KCNJ10: variants seen among roughly 807,000 people sequenced by gnomAD.
The protein encoded by KCNJ10 is ATP-sensitive inward rectifier potassium channel 10.
KCNJ10 carries 9 observed loss-of-function variants against 22.2 expected under a neutral mutation model. That is an observed-to-expected ratio of 0.40 (90% CI 0.24 to 0.71). The LOEUF (loss-of-function observed/expected upper bound fraction) is 0.71. Among genes scored for constraint, KCNJ10 ranks in the 30% least tolerant of loss-of-function variants. The pLI, the probability that KCNJ10 is intolerant of heterozygous loss-of-function variation, is 0.35. For synonymous variants in KCNJ10, 184 were observed against 187.3 expected (o/e 0.98, Z 0.15); for missense variants, 337 against 482.7 (o/e 0.70, Z 2.83).
In KCNJ10 at chr1:160,049,695, A is replaced by ATATATATATATATATT. The variant is rs1648849511; in HGVS notation, c.1-7164_1-7163insAATATATATATATATA. 6.6e-5 allele frequency among the ~76,000 whole-genome samples: 8 copies of ATATATATATATATATT among 120,526 alleles called. No homozygotes were observed. In the South Asian group the frequency reaches 1.3e-3, roughly 20 times the overall value. 79.1% of individuals were successfully genotyped at this position (120,526 alleles called of 152,430 possible). A position where few individuals can be genotyped will look rare whatever the true frequency, so the allele number is the denominator to read the frequency against. On this transcript the variant is annotated intron_variant, in intron 1 of 1. Coordinates refer to ENST00000644903, the MANE Select transcript of KCNJ10 (RefSeq NM_002241.5). The stretch of plus-strand genomic sequence containing the variant: ...TTTATTTATATATATATATATATAT[A>ATATATATATATATATT]TATATATATATATATATATATATAT...
At chr1:160,049,675 T>TTA (rs57790887) in intron 1 of KCNJ10, among the ~76,000 whole-genome samples, 1,962 of 46,926 alleles carry the variant, frequency 0.042, 61 homozygotes, top group Non-Finnish European at 0.047. Flanking sequence ...TTTTATTTAT[T>TTA]TATATATATA....
rs1183701861 is a variant in KCNJ10, at chr1:160,039,069, C to A, written c.*2324G>T. 2 of 152,594 alleles carry A rather than the reference C, an allele frequency of 1.3e-5. No individual in the cohort carries two copies. Among genetic ancestry groups the A allele is most frequent in the African/African-American group, 4.8e-5 (2 of 41,414 alleles). 9.5% of individuals were successfully genotyped at this position (152,594 alleles called of 1,614,324 possible). On this transcript the variant is annotated 3_prime_UTR_variant, in exon 2 of 2. Coordinates refer to ENST00000644903, the MANE Select transcript of KCNJ10 (RefSeq NM_002241.5). ...CAGGTCAGAGGAGACAGACTATAGT[C>A]TAAAGAACCATTTAGAGTTAAGGTA...
At chr1:160,061,863 C>T (rs1649204148) in intron 1 of KCNJ10, among the ~76,000 whole-genome samples, 2 of 151,794 alleles carry the variant, frequency 1.3e-5, no homozygotes, top group Admixed American at 6.6e-5. Context: ...TGGGCACATC[C>T]GTTTGGGTGT....
At chr1:160,047,345 C>T (rs957942805) in intron 1 of KCNJ10, among the ~76,000 whole-genome samples, 2 of 152,164 alleles carry the variant, frequency 1.3e-5, no homozygotes, top group African/African-American at 4.8e-5. Flanking sequence ...CAACCTCCTC[C>T]CAGGGACAGC....
rs749370465 is a variant in KCNJ10 at position 160,041,598 on chromosome 1, G to A, written c.935C>T (p.Thr312Ile). The change falls in exon 2 of 2, where the codon ACA (threonine) becomes ATA (isoleucine). Residue 312 changes from threonine (T) to isoleucine (I), a missense_variant. Coordinates refer to ENST00000644903, the MANE Select transcript of KCNJ10 (RefSeq NM_002241.5). This position sits in a 1 kb window ranked among gnomAD's most constrained non-coding sequence, Gnocchi z 4.4. ...PEEILWGYEFTPAISLSASGK... is the reference protein window; with the variant it reads ...PEEILWGYEFIPAISLSASGK... ...ACTGGCTGACAGTGAGATGGCAGGT[G>A]TGAACTCGTAGCCCCAAAGGATCTC... The A allele has an allele frequency of 4.3e-5, 70 of 1,614,126 alleles. No individual in the cohort carries two copies. In the Admixed American group the frequency reaches 8.5e-4, roughly 20 times the overall value.
intron 1 of KCNJ10, among the ~76,000 whole-genome samples, chr1:160,061,697 G>C (rs1571274972): frequency 6.6e-6 from 1 of 150,590 alleles, no homozygotes; most frequent in African/African-American, 2.4e-5. Flanking sequence ...CAAGGGCATG[G>C]GGGGGAGGGA....
chr1:160,049,683 A>ATATATATATATATATATATATATT (rs1648843569), intron 1 of KCNJ10, among the ~76,000 whole-genome samples: 5 of 88,234 alleles, frequency 5.7e-5, no homozygotes, highest in African/African-American at 1.2e-4. Context: ...ATTTATATAT[A>ATATATATATATATATATATATATT]TATATATATA....
At chr1:160,054,137 C>T (rs562313756) in intron 1 of KCNJ10, among the ~76,000 whole-genome samples, 11 of 152,326 alleles carry the variant, frequency 7.2e-5, no homozygotes, top group African/African-American at 2.6e-4. Context: ...GTTCCTGTGA[C>T]AAGTGGGTGC....
chr1:160,054,750 C>T (rs1319833939), intron 1 of KCNJ10, among the ~76,000 whole-genome samples: 1 of 86,476 alleles, frequency 1.2e-5, no homozygotes, highest in East Asian at 3.8e-4. Flanking sequence ...AATCCATCCC[C>T]AACTTATCTC....
intron 1 of KCNJ10, among the ~76,000 whole-genome samples, chr1:160,049,311 G>T (rs751741533): frequency 1.2e-4 from 18 of 152,018 alleles, no homozygotes; most frequent in African/African-American, 4.3e-4. Context: ...CCTTATCTCC[G>T]ACCACTTTTC....
intron 1 of KCNJ10, chr1:160,062,610 T>C (rs1265488542): frequency 6.6e-6 from 1 of 151,872 alleles, no homozygotes; most frequent in Non-Finnish European, 1.5e-5. Context: ...ACTTTCCAAA[T>C]GGAAAAAGCC....
intron 1 of KCNJ10, among the ~76,000 whole-genome samples, chr1:160,043,597 T>C (rs1480831749): frequency 2.6e-5 from 4 of 152,208 alleles, no homozygotes; most frequent in Admixed American, 1.3e-4. Context: ...AACAACATGT[T>C]AAAACTTCCT....
intron 1 of KCNJ10, among the ~76,000 whole-genome samples, chr1:160,069,704 T>C (rs1226522239): frequency 6.6e-6 from 1 of 152,160 alleles, no homozygotes; most frequent in African/African-American, 2.4e-5. Flanking sequence ...TGCCTGGTTA[T>C]GTGTGGTTGT....
rs747184756 is a variant in KCNJ10 at position 160,041,870 on chromosome 1, G to T, written c.663C>A (p.His221Gln). The T allele has an allele frequency of 1.9e-6, 3 of 1,614,082 alleles. No homozygotes were observed. The highest frequency in any genetic ancestry group is 2.5e-6 in the Non-Finnish European group (3 of 1,180,042). ...CQVTGKLLQTHQTKEGENIRL... is the reference protein window; with the variant it reads ...CQVTGKLLQTQQTKEGENIRL... ...GGATGTTCTCCCCTTCCTTGGTTTG[G>T]TGGGTCTGAAGCAGTTTTCCTGTCA... The change falls in exon 2 of 2, where the codon CAC becomes CAA. Residue 221 changes from histidine (H) to glutamine (Q), a missense_variant. Physicochemically the swap from His to Gln is conservative, Grantham distance 24 (BLOSUM62 0). Around this residue, in one of 3 missense-constraint regions of KCNJ10, gnomAD observed 165 missense variants for 281.5 expected, o/e 0.59. Transcript: ENST00000644903. This position sits in a 1 kb window ranked among gnomAD's most constrained non-coding sequence, Gnocchi z 4.4.
In KCNJ10 at chr1:160,038,115, A is replaced by T. The variant is rs1648519197; in HGVS notation, c.*3278T>A. On this transcript the variant is annotated 3_prime_UTR_variant, in exon 2 of 2. Coordinates refer to ENST00000644903, the MANE Select transcript of KCNJ10 (RefSeq NM_002241.5). ...AACAGCTATTAGTCCTGGCATTTGG[A>T]TTCCAGGGTTGAGGCTTCCCATTAG... 6.6e-6 allele frequency: 1 copy of T among 152,228 alleles called. No homozygotes were observed. The highest frequency in any genetic ancestry group is 2.4e-5 in the African/African-American group (1 of 41,460). 9.4% of individuals were successfully genotyped at this position (152,228 alleles called of 1,614,324 possible). A position where few individuals can be genotyped will look rare whatever the true frequency, so the allele number is the denominator to read the frequency against.
chr1:160,049,518 C>T (rs1358138058), intron 1 of KCNJ10, among the ~76,000 whole-genome samples: 1 of 151,412 alleles, frequency 6.6e-6, no homozygotes, highest in Non-Finnish European at 1.5e-5. Context: ...TTCTCTGATT[C>T]CTACAACCTT....
rs1050382321 is a variant in KCNJ10 at position 160,040,535 on chromosome 1, A to G, written c.*858T>C. 1 of 398,572 alleles carries G rather than the reference A, an allele frequency of 2.5e-6. No individual in the cohort carries two copies. Among genetic ancestry groups the G allele is most frequent in the Non-Finnish European group, 4.4e-6 (1 of 226,136 alleles). The allele number at this position is 398,572 out of a possible 1,614,324, so 24.7% of individuals were successfully genotyped here. A position where few individuals can be genotyped will look rare whatever the true frequency, so the allele number is the denominator to read the frequency against. On this transcript the variant is annotated 3_prime_UTR_variant, in exon 2 of 2. Coordinates refer to ENST00000644903, the MANE Select transcript of KCNJ10 (RefSeq NM_002241.5). ...GGGGCCTGGGTACTGGACTCTTTTC[A>G]AAGGAACATATTGGCTTGGGTCCTT...
rs923127762 is a variant in KCNJ10 at position 160,043,219 on chromosome 1, A to C, written c.1-687T>G. ...TCCATCCCCACCCTTATGAATGGCT[A>C]TGAAGCAAGACAAGCTATCCTGTTG... On this transcript the variant is annotated intron_variant, in intron 1 of 1. Transcript: ENST00000644903. 5.9e-5 allele frequency among the ~76,000 whole-genome samples: 9 copies of C among 151,626 alleles called. No homozygotes were observed. In the East Asian group the frequency reaches 1.8e-3, roughly 30 times the overall value.
rs1356367969 is a variant in KCNJ10, at chr1:160,042,338, G to A, written c.195C>T (p.Arg65=). ...LWTTFIDMQW[R]YKLLLFSATF... ...TCGCAGAGAAGAGCAGAAGCTTGTAGCGCCACTGCATGTCAATGAAGGTTG... is the reference window on the plus strand; with the variant it reads ...TCGCAGAGAAGAGCAGAAGCTTGTAACGCCACTGCATGTCAATGAAGGTTG... The change falls in exon 2 of 2, where the codon CGC becomes CGT. Residue 65 remains arginine (R), a synonymous_variant. Transcript: ENST00000644903. The A allele has an allele frequency of 1.2e-6, 2 of 1,613,146 alleles. No individual in the cohort carries two copies. The highest frequency in any genetic ancestry group is 2.2e-5 in the South Asian group (2 of 91,080).
Sources: allele counts gnomAD v4.1 joint callset (sites outside exome capture counted in the v4.1 genomes callset), GRCh38; gene constraint gnomAD v4.1.1; regional missense constraint gnomAD v4.1.1; non-coding constraint Gnocchi (gnomAD v3.1); transcripts MANE v1.5; gene names NCBI Gene and HGNC (gene_info 2026-07-23, HGNC 2026-07-21).